MOCOS: variants seen among roughly 807,000 people sequenced by gnomAD.
MOCOS encodes molybdenum cofactor sulfurase, also known as human molybdenum cofactor sulfurase.
A neutral mutation model predicts 83.6 loss-of-function variants in MOCOS; 86 were observed. The ratio of observed to expected loss-of-function variants is 1.03; its 90% confidence interval spans 0.86 to 1.23. The LOEUF is 1.23. Among genes scored for constraint, MOCOS ranks in the 50% most tolerant of loss-of-function variants. MOCOS has a pLI of 0.00. For missense variants in MOCOS, 1,120 were observed against 1,126.9 expected, an observed-to-expected ratio of 0.99 and a Z score of 0.09; for synonymous variants, 445 against 434.7, an observed-to-expected ratio of 1.02 and a Z score of -0.29.
chr18:36,254,458 C>CTCTGTG (rs377107374), intron 11 of MOCOS, among the ~76,000 whole-genome samples: 5 of 138,866 alleles, frequency 3.6e-5, no homozygotes, highest in East Asian at 2.1e-4. Context: ...TACATTATCT[C>CTCTGTG]TGTGTGTGTG....
At chr18:36,205,761 G>T (rs149526958) in intron 6 of MOCOS, among the ~76,000 whole-genome samples, 6 of 152,132 alleles carry the variant, frequency 3.9e-5, no homozygotes, top group African/African-American at 1.4e-4. Context: ...TTTTTTTGAG[G>T]TGGGGTCTCG....
chr18:36,202,916 C>T (rs536540146), intron 4 of MOCOS, among the ~76,000 whole-genome samples, 197 bp from the exon 5 acceptor site: 37 of 152,196 alleles, frequency 2.4e-4, no homozygotes, highest in African/African-American at 8.9e-4. Context: ...GAAACCATCC[C>T]CATAATCCAA....
At chr18:36,246,050 T>C (rs1225019035) in intron 9 of MOCOS, among the ~76,000 whole-genome samples, 8 of 152,196 alleles carry the variant, frequency 5.3e-5, no homozygotes, top group Admixed American at 5.2e-4. Flanking sequence ...TTAAATTTCT[T>C]TAAATTAGTT....
chr18:36,264,987 G>A (rs1452465698), intron 13 of MOCOS, among the ~76,000 whole-genome samples: 1 of 152,210 alleles, frequency 6.6e-6, no homozygotes, highest in East Asian at 1.9e-4. Flanking sequence ...GCTATGGCAA[G>A]CCACAGGTGC....
intron 9 of MOCOS, among the ~76,000 whole-genome samples, chr18:36,246,601 G>A (rs2091603041): frequency 6.6e-6 from 1 of 152,232 alleles, no homozygotes; most frequent in Admixed American, 6.5e-5. Flanking sequence ...TTAGTCCTTG[G>A]TTGTAGTTTT....
chr18:36,224,897 C>T (rs1386281877), intron 9 of MOCOS, among the ~76,000 whole-genome samples: 1 of 152,038 alleles, frequency 6.6e-6, no homozygotes, highest in East Asian at 1.9e-4. Flanking sequence ...GTAGGCTTTT[C>T]TTTGTTGAGA....
At position 36,195,299 on chromosome 18, in the gene MOCOS, A is replaced by G; in HGVS notation, c.185A>G (p.Gln62Arg). The G allele has an allele frequency of 6.2e-7, 1 of 1,614,194 alleles. No individual in the cohort carries two copies. Among genetic ancestry groups the G allele is most frequent in the Non-Finnish European group, 8.5e-7 (1 of 1,180,008 alleles). Residue 62 changes from glutamine to arginine, a missense_variant, in exon 2 of 15, where the codon CAG becomes CGG. Physicochemically the swap from Gln to Arg is conservative, Grantham distance 43. Coordinates refer to ENST00000261326, the MANE Select transcript of MOCOS (RefSeq NM_017947.4). ...CATGCAGGTGCCACCTTGTTCTCCC[A>G]GAGCCAGCTCGAAAGCTTCACTAGT... ...LDHAGATLFS[Q>R]SQLESFTSDL...
intron 14 of MOCOS, among the ~76,000 whole-genome samples, chr18:36,267,919 GC>G (rs1217951301): frequency 6.6e-6 from 1 of 152,124 alleles, no homozygotes; most frequent in Non-Finnish European, 1.5e-5. Flanking sequence ...TGAGGAATTG[GC>G]CCAATCCCCT....
At chr18:36,224,039 T>C (rs2091506511) in intron 9 of MOCOS, among the ~76,000 whole-genome samples, 1 of 152,192 alleles carries the variant, frequency 6.6e-6, no homozygotes, top group Admixed American at 6.5e-5. Flanking sequence ...TTTTTTGTGC[T>C]ATTATAAGTG....
intron 9 of MOCOS, among the ~76,000 whole-genome samples, chr18:36,232,756 T>A (rs1290250224): frequency 3.9e-5 from 6 of 152,148 alleles, no homozygotes; most frequent in Non-Finnish European, 8.8e-5. Context: ...TGTCTTTTTA[T>A]GCCTGGCTTA....
chr18:36,199,902 G>A lies in MOCOS; in HGVS notation c.519G>A (p.Arg173=), dbSNP rs2091405294. ...MAINVISTPV[R]PEDLWSAEER... ...TAAATGTCATATCCACCCCGGTCAGGCCAGAGGACCTGTGGTCTGCAGAGG... is the reference window on the plus strand; with the variant it reads ...TAAATGTCATATCCACCCCGGTCAGACCAGAGGACCTGTGGTCTGCAGAGG... The change falls in exon 4 of 15, where the codon AGG becomes AGA. Residue 173 remains arginine, a synonymous_variant. Transcript: ENST00000261326. 5.0e-6 allele frequency: 8 copies of A among 1,613,996 alleles called. No individual in the cohort carries two copies. Among genetic ancestry groups the A allele is most frequent in the Non-Finnish European group, 6.8e-6 (8 of 1,179,918 alleles).
chr18:36,187,839 C>T (rs1315827569), intron 1 of MOCOS, among the ~76,000 whole-genome samples, 158 bp downstream of exon 1: 1 of 152,222 alleles, frequency 6.6e-6, no homozygotes, highest in Non-Finnish European at 1.5e-5. Flanking sequence ...AGACACGGCT[C>T]CCTGAGGTCC....
At chr18:36,263,221 C>T (rs2091670045) in intron 13 of MOCOS, among the ~76,000 whole-genome samples, 1 of 152,152 alleles carries the variant, frequency 6.6e-6, no homozygotes, top group Non-Finnish European at 1.5e-5. Context: ...TGGATGTCAT[C>T]AAGTCATAAA....
At chr18:36,207,454 C>T (rs187007735) in intron 6 of MOCOS, among the ~76,000 whole-genome samples, 15 of 152,304 alleles carry the variant, frequency 9.8e-5, no homozygotes, top group Admixed American at 9.8e-4. Context: ...ACAACCTCAG[C>T]AGCATATGTT....
chr18:36,219,199 T>G (rs1010517861), intron 8 of MOCOS, among the ~76,000 whole-genome samples: 7 of 151,354 alleles, frequency 4.6e-5, no homozygotes, highest in Non-Finnish European at 1.0e-4. Context: ...TTTTATTTTT[T>G]TTTTTGACAC....
intron 11 of MOCOS, among the ~76,000 whole-genome samples, chr18:36,252,753 G>A (rs181321531): frequency 3.9e-5 from 6 of 152,178 alleles, no homozygotes; most frequent in Non-Finnish European, 5.9e-5. Flanking sequence ...AAACCAAATG[G>A]CATTTGACCA....
chr18:36,207,976 T>C (rs2091440605), intron 6 of MOCOS, among the ~76,000 whole-genome samples: 1 of 152,178 alleles, frequency 6.6e-6, no homozygotes, highest in South Asian at 2.1e-4. Flanking sequence ...TTTTATGTGG[T>C]GATAGGAAAG....
chr18:36,233,097 A>C (rs1238627057), intron 9 of MOCOS, among the ~76,000 whole-genome samples: 1 of 151,848 alleles, frequency 6.6e-6, no homozygotes, highest in African/African-American at 2.4e-5. Flanking sequence ...TTTAGGTGTG[A>C]TTTCTGAGAT....
chr18:36,247,386 T>A (rs1352441134), intron 9 of MOCOS, among the ~76,000 whole-genome samples: 1 of 152,238 alleles, frequency 6.6e-6, no homozygotes, highest in Non-Finnish European at 1.5e-5. Flanking sequence ...ATTTGTCTCC[T>A]CTTCTGCATT....
Sources: allele counts gnomAD v4.1 joint callset (sites outside exome capture counted in the v4.1 genomes callset), GRCh38; gene constraint gnomAD v4.1.1; transcripts MANE v1.5; gene names NCBI Gene and HGNC (gene_info 2026-07-23, HGNC 2026-07-21).